The following GALNTL6 variants were observed in gnomAD, a reference collection of about 807,000 sequenced individuals.
GALNTL6 encodes polypeptide N-acetylgalactosaminyltransferase like 6.
A neutral mutation model predicts 73.7 loss-of-function variants in GALNTL6; 46 were observed. The observed-to-expected ratio is 0.62, with a 90% CI of 0.49 to 0.80. GALNTL6 has a LOEUF of 0.80. Ranked by LOEUF, GALNTL6 falls within the 30% of genes least tolerant of loss-of-function variation. The pLI, the probability that GALNTL6 is intolerant of heterozygous loss-of-function variation, is 0.00. For synonymous variants in GALNTL6, 259 were observed against 263.7 expected, an observed-to-expected ratio of 0.98 and a Z score of 0.17; for missense variants, 604 against 755.0, an observed-to-expected ratio of 0.80 and a Z score of 2.34.
chr4:172,237,059 T>C (rs1157128482), intron 3 of GALNTL6, among the ~76,000 whole-genome samples: 3 of 152,248 alleles, frequency 2.0e-5, no homozygotes, highest in African/African-American at 7.2e-5. Flanking sequence ...TTCTTTTTTA[T>C]GGCTACATAG....
At chr4:172,570,718 A>G (rs1736729882) in intron 5 of GALNTL6, among the ~76,000 whole-genome samples, 1 of 152,156 alleles carries the variant, frequency 6.6e-6, no homozygotes, top group South Asian at 2.1e-4. Flanking sequence ...ATTCAAATGC[A>G]TTACATTTAT....
chr4:172,285,712 A>G lies in GALNTL6; in HGVS notation c.248-25902A>G, dbSNP rs541965988. 1.7e-4 allele frequency among the ~76,000 whole-genome samples: 26 copies of G among 152,296 alleles called. 1 individual carries two copies. In the South Asian group the frequency reaches 5.4e-3, roughly 32 times the overall value. On this transcript the variant is annotated intron_variant, in intron 3 of 12. Coordinates refer to ENST00000506823, the MANE Select transcript of GALNTL6 (RefSeq NM_001034845.3). ...TCTACACCTTTGCCATTTCCCTGAC[A>G]CATAATGGACAAGCCAAGCTCTTTC...
chr4:172,948,835 A>G (rs1749301184), intron 9 of GALNTL6, among the ~76,000 whole-genome samples: 1 of 152,118 alleles, frequency 6.6e-6, no homozygotes, highest in Non-Finnish European at 1.5e-5. Context: ...ACGATGATGC[A>G]GAGCTACCTG....
intron 5 of GALNTL6, among the ~76,000 whole-genome samples, chr4:172,764,489 A>G (rs898523718): frequency 6.6e-6 from 1 of 151,978 alleles, no homozygotes; most frequent in East Asian, 1.9e-4. Flanking sequence ...TAATAAAAAC[A>G]TACTTTAAAA....
chr4:172,865,576 G>T (rs575750908), intron 7 of GALNTL6, among the ~76,000 whole-genome samples: 2 of 152,278 alleles, frequency 1.3e-5, no homozygotes, highest in South Asian at 2.1e-4. Flanking sequence ...CTATAATTGT[G>T]ATATCTTTAT....
chr4:171,820,997 A>G (rs893927869), intron 2 of GALNTL6, among the ~76,000 whole-genome samples: 3 of 152,226 alleles, frequency 2.0e-5, no homozygotes, highest in African/African-American at 7.2e-5. Context: ...GGTATGCCAC[A>G]TAAGTTTTAG....
At chr4:171,903,290 C>T (rs1052044108) in intron 2 of GALNTL6, among the ~76,000 whole-genome samples, 4 of 152,092 alleles carry the variant, frequency 2.6e-5, no homozygotes, top group South Asian at 2.1e-4. Context: ...GTGCGCGCAC[C>T]GTGCGCGAGC....
At chr4:172,559,636 A>C (rs1391723957) in intron 5 of GALNTL6, among the ~76,000 whole-genome samples, 1 of 152,194 alleles carries the variant, frequency 6.6e-6, no homozygotes, top group Non-Finnish European at 1.5e-5. Flanking sequence ...TTTGCAGTGT[A>C]GTATTTTTCA....
intron 2 of GALNTL6, among the ~76,000 whole-genome samples, chr4:171,871,328 C>G (rs925240451): frequency 1.3e-5 from 2 of 152,072 alleles, no homozygotes. Context: ...AAACAGTATA[C>G]TATTATAAAA....
chr4:172,348,349 T>C (rs1259040514), intron 4 of GALNTL6, among the ~76,000 whole-genome samples, 174 bp from the exon 5 acceptor site: 3 of 152,244 alleles, frequency 2.0e-5, no homozygotes, highest in African/African-American at 7.2e-5. Context: ...AAGGAGATCA[T>C]TAATGCATTC....
intron 2 of GALNTL6, among the ~76,000 whole-genome samples, chr4:172,198,950 C>T (rs1735869159): frequency 6.6e-6 from 1 of 152,056 alleles, no homozygotes; most frequent in Non-Finnish European, 1.5e-5. Flanking sequence ...TCTTTCAGTT[C>T]CTTAGATATC....
chr4:171,890,782 G>A (rs1736738861), intron 2 of GALNTL6, among the ~76,000 whole-genome samples: 1 of 152,076 alleles, frequency 6.6e-6, no homozygotes, highest in Admixed American at 6.6e-5. Flanking sequence ...CAAACTCTCT[G>A]TTAGGCTGTG....
In GALNTL6 at chr4:172,683,216, C is replaced by T. The variant is rs558293594; in HGVS notation, c.554-126145C>T. ...CTGAGTAACAGGCTGTGGTATCTGTCATGTCATCTAAAAGATACTGAAATT... is the reference window on the plus strand; with the variant it reads ...CTGAGTAACAGGCTGTGGTATCTGTTATGTCATCTAAAAGATACTGAAATT... On this transcript the variant is annotated intron_variant, in intron 5 of 12. Transcript: ENST00000506823. Among the ~76,000 whole-genome samples the T allele has an allele frequency of 3.3e-5, 5 of 152,250 alleles. No individual in the cohort carries two copies. The South Asian group carries it at 1.0e-3, about 32-fold the overall frequency.
At chr4:172,407,481 T>G (rs1048258847) in intron 5 of GALNTL6, among the ~76,000 whole-genome samples, 4 of 152,102 alleles carry the variant, frequency 2.6e-5, no homozygotes, top group Non-Finnish European at 5.9e-5. Flanking sequence ...ATGTAGCATT[T>G]CTTTCTTGGG....
chr4:172,032,158 T>A (rs974643409), intron 2 of GALNTL6, among the ~76,000 whole-genome samples: 1 of 152,140 alleles, frequency 6.6e-6, no homozygotes, highest in African/African-American at 2.4e-5. Flanking sequence ...AGAAAGCTCA[T>A]GGTATTCTGT....
chr4:172,525,554 A>G (rs2110829797), intron 5 of GALNTL6, among the ~76,000 whole-genome samples: 1 of 152,232 alleles, frequency 6.6e-6, no homozygotes, highest in African/African-American at 2.4e-5. Context: ...CCAGCATATT[A>G]CCTCCAATGA....
chr4:172,074,234 A>G (rs7690716), intron 2 of GALNTL6, among the ~76,000 whole-genome samples: 72,611 of 152,082 alleles, frequency 0.48, 17,693 homozygotes, highest in Admixed American at 0.51. Flanking sequence ...AACAATGTTC[A>G]TTGTTAATCC....
intron 2 of GALNTL6, among the ~76,000 whole-genome samples, chr4:172,102,906 GT>G (rs1732559872): frequency 6.6e-6 from 1 of 152,178 alleles, no homozygotes; most frequent in Non-Finnish European, 1.5e-5. Context: ...GAGATGTAGG[GT>G]TAGGAGTGGA....
intron 10 of GALNTL6, among the ~76,000 whole-genome samples, chr4:172,996,077 T>A (rs924096293): frequency 6.6e-6 from 1 of 152,182 alleles, no homozygotes; most frequent in African/African-American, 2.4e-5. Context: ...AAATGCATGA[T>A]ATGTTCATTG....
Sources: gnomAD v4.1 joint callset for allele counts (sites outside exome capture counted in the v4.1 genomes callset) on GRCh38, gnomAD v4.1.1 for gene constraint, MANE v1.5 for transcripts, NCBI Gene and HGNC (gene_info 2026-07-23, HGNC 2026-07-21) for gene names.